Variants in OPN4 observed in about 807,000 individuals in gnomAD.
The protein encoded by OPN4 is melanopsin.
OPN4 carries 43 observed loss-of-function variants against 49.5 expected under a neutral mutation model. That is an observed-to-expected ratio of 0.87 (90% CI 0.68 to 1.12). OPN4 has a LOEUF of 1.12. Among genes scored for constraint, OPN4 ranks in the 50% most tolerant of loss-of-function variants. The pLI, the probability that OPN4 is intolerant of heterozygous loss-of-function variation, is 0.00. For missense variants in OPN4, 657 were observed against 643.9 expected (o/e 1.02, Z -0.22); for synonymous variants, 263 against 258.0 (o/e 1.02, Z -0.19).
At position 86,658,707 on chromosome 10, in the gene OPN4, T is replaced by C. The variant is rs1218377997; in HGVS notation, c.628+20T>C. On this transcript the variant is annotated intron_variant, in intron 4 of 9. Transcript: ENST00000241891. Reference sequence around the variant, plus strand: ...GCTGGAGTAAGTGGGCTGCTGGAACTGGAAGGGGGGCAGATGGGCTGGGAG... The same window carrying C: ...GCTGGAGTAAGTGGGCTGCTGGAACCGGAAGGGGGGCAGATGGGCTGGGAG... 6.2e-7 allele frequency: 1 copy of C among 1,608,084 alleles called. No homozygotes were observed. Among genetic ancestry groups the C allele is most frequent in the African/African-American group, 1.3e-5 (1 of 74,908 alleles).
chr10:86,660,865 G>A lies in OPN4; in HGVS notation c.966-416G>A, dbSNP rs138318498. Among the ~76,000 whole-genome samples the A allele has an allele frequency of 5.9e-5, 9 of 152,242 alleles. No homozygotes were observed. In the South Asian group the frequency reaches 8.3e-4, roughly 14 times the overall value. Reference sequence around the variant, plus strand: ...GCATAGGCCAGGCATGGTGGCTCACGCCTGTAATCCCAGCACTTTGGGAGG... The same window carrying A: ...GCATAGGCCAGGCATGGTGGCTCACACCTGTAATCCCAGCACTTTGGGAGG... On this transcript the variant is annotated intron_variant, in intron 6 of 9. Transcript: ENST00000241891.
chr10:86,659,365 C>G lies in OPN4; in HGVS notation c.697C>G (p.Arg233Gly). The G allele has an allele frequency of 6.2e-7, 1 of 1,614,028 alleles. No individual in the cohort carries two copies. Among genetic ancestry groups the G allele is most frequent in the South Asian group, 1.1e-5 (1 of 91,084 alleles). Residue 233 changes from arginine to glycine, a missense_variant, in exon 5 of 10, where the codon CGT becomes GGT. Physicochemically the swap from Arg to Gly is moderately radical, Grantham distance 125. Transcript: ENST00000241891. ...CTACATGAGCTTCACGCCGGCCGTGCGTGCCTACACCATGCTTCTCTGCTG... is the reference window on the plus strand; with the variant it reads ...CTACATGAGCTTCACGCCGGCCGTGGGTGCCTACACCATGCTTCTCTGCTG... The part of the protein sequence containing the change: ...WDYMSFTPAV[R>G]AYTMLLCCFV...
rs937488378 is a variant in OPN4 at position 86,665,938 on chromosome 10, A to AAC, written c.*187_*188insAC. On this transcript the variant is annotated 3_prime_UTR_variant, in exon 10 of 10. Coordinates refer to ENST00000241891, the MANE Select transcript of OPN4 (RefSeq NM_033282.4). ...CACACCTCAAAACTCCTGCCCCATA[A>AAC]CGTCCTCCGCATCCACTTTCCAGCT... 1.7e-4 allele frequency: 99 copies of AAC among 572,980 alleles called. No individual in the cohort carries two copies. Among genetic ancestry groups the AAC allele is most frequent in the Non-Finnish European group, 4.0e-5 (13 of 324,294 alleles). The allele number at this position is 572,980 out of a possible 1,614,324, so 35.5% of individuals were successfully genotyped here.
At chr10:86,665,639 T>C (rs369688283) in intron 9 of OPN4, 74 bp from the exon 10 acceptor site, 22 of 1,250,608 alleles carry the variant, frequency 1.8e-5, no homozygotes, top group Non-Finnish European at 2.5e-5. Flanking sequence ...TGACCCAGTG[T>C]GTGGAGGGTC....
rs145338140 is a variant in OPN4, at chr10:86,665,725, A to AT, written c.1412dup (p.Ser473GlnfsTer17). On this transcript the variant is annotated frameshift_variant, in exon 10 of 10. Transcript: ENST00000241891. LOFTEE classifies it high-confidence loss of function. ...TGTTTGTTTGCAGACCAAGGGGCTG[A>AT]TCCCCAGCCAGGACCCCAGGATGTA... 5.6e-4 allele frequency: 897 copies of AT among 1,613,522 alleles called. 3 individuals carry two copies. In the African/African-American group the frequency reaches 0.011, roughly 19 times the overall value.
intron 8 of OPN4, among the ~76,000 whole-genome samples, chr10:86,663,089 C>T (rs1844054328): frequency 6.6e-6 from 1 of 152,236 alleles, no homozygotes; most frequent in African/African-American, 2.4e-5. Flanking sequence ...CAGCCCTCCT[C>T]AGGGCCTGCA....
At position 86,654,723 on chromosome 10, in the gene OPN4, C is replaced by G; in HGVS notation, c.-61C>G. The G allele has an allele frequency of 6.4e-7, 1 of 1,569,346 alleles. No homozygotes were observed. Among genetic ancestry groups the G allele is most frequent in the Admixed American group, 1.8e-5 (1 of 56,986 alleles). ...TTGGGAGGCTGAGCACAGCTGAAGT[C>G]CTGAGCTCCCTGTGCCCTTGACTTC... is the stretch of plus-strand genomic sequence containing the variant. On this transcript the variant is annotated 5_prime_UTR_variant, in exon 1 of 10. Coordinates refer to ENST00000241891, the MANE Select transcript of OPN4 (RefSeq NM_033282.4).
At chr10:86,656,628 A>G (rs1843871478) in intron 2 of OPN4, among the ~76,000 whole-genome samples, 1 of 152,068 alleles carries the variant, frequency 6.6e-6, no homozygotes, top group Non-Finnish European at 1.5e-5. Context: ...CCTGCCCCAG[A>G]GAGCATCCTC....
chr10:86,663,829 C>A, intron 9 of OPN4, 27 bp downstream of exon 9: 1 of 1,547,748 alleles, frequency 6.5e-7, no homozygotes. Context: ...CCTGCCAATC[C>A]ACAAAGGGGT....
intron 2 of OPN4, chr10:86,657,124 C>T: frequency 1.3e-6 from 1 of 771,184 alleles, no homozygotes; most frequent in Non-Finnish European, 2.4e-6. Flanking sequence ...CCCTGGCTCT[C>T]CCACCTGCCA....
chr10:86,664,836 C>T (rs1352896724), intron 9 of OPN4, among the ~76,000 whole-genome samples: 1 of 152,194 alleles, frequency 6.6e-6, no homozygotes, highest in Admixed American at 6.5e-5. Flanking sequence ...CCCAGGCTGG[C>T]CAGGCACTGA....
At chr10:86,655,922 C>T (rs974533195) in intron 1 of OPN4, among the ~76,000 whole-genome samples, 3 of 152,196 alleles carry the variant, frequency 2.0e-5, no homozygotes, top group Admixed American at 2.0e-4. Context: ...TGATCTGAGC[C>T]CACTCCTAGA....
rs534666956 is a variant in OPN4 at position 86,665,797 on chromosome 10, C to A, written c.*46C>A. On this transcript the variant is annotated 3_prime_UTR_variant, in exon 10 of 10. Coordinates refer to ENST00000241891, the MANE Select transcript of OPN4 (RefSeq NM_033282.4). ...TTCTTCTGAGACACATCCAGCCCCC[C>A]CACGTCTCCCTCATATACACAGACC... is the stretch of plus-strand genomic sequence containing the variant. The A allele has an allele frequency of 1.9e-5, 28 of 1,470,200 alleles. No individual in the cohort carries two copies. The Admixed American group carries it at 2.9e-4, about 15-fold the overall frequency. 91.1% of individuals were successfully genotyped at this position (1,470,200 alleles called of 1,614,324 possible). A position where few individuals can be genotyped will look rare whatever the true frequency, so the allele number is the denominator to read the frequency against.
chr10:86,664,747 C>T (rs1215985480), intron 9 of OPN4, among the ~76,000 whole-genome samples: 2 of 152,172 alleles, frequency 1.3e-5, no homozygotes, highest in Non-Finnish European at 2.9e-5. Flanking sequence ...CAGCATTCCC[C>T]CCGGGGGCCC....
At chr10:86,658,915 G>T (rs1307808988) in intron 4 of OPN4, among the ~76,000 whole-genome samples, 1 of 152,166 alleles carries the variant, frequency 6.6e-6, no homozygotes, top group Admixed American at 6.5e-5. Flanking sequence ...AAAATACAAA[G>T]GCTTTCTGGG....
intron 3 of OPN4, 109 bp from the exon 4 acceptor site, chr10:86,658,375 G>A: frequency 7.7e-7 from 1 of 1,300,946 alleles, no homozygotes; most frequent in Non-Finnish European, 1.1e-6. Flanking sequence ...AGGTGGAGGG[G>A]GTGGAGTGCG....
rs41297165 is a variant in OPN4 at position 86,657,207 on chromosome 10, T to G, written c.291-825T>G. ...TTCCGCAAAACAGAGCTGTGCTTCGTGGAGTCACTGTGATGATGCAGTAAG... is the reference window on the plus strand; with the variant it reads ...TTCCGCAAAACAGAGCTGTGCTTCGGGGAGTCACTGTGATGATGCAGTAAG... On this transcript the variant is annotated intron_variant, in intron 2 of 9. Transcript: ENST00000241891. The G allele has an allele frequency of 2.7e-3, 2,079 of 780,756 alleles. 8 individuals carry two copies. The highest frequency in any genetic ancestry group is 3.8e-3 in the Non-Finnish European group (1,582 of 417,946). 48.4% of individuals were successfully genotyped at this position (780,756 alleles called of 1,614,324 possible).
rs572774957 is a variant in OPN4 at position 86,659,180 on chromosome 10, GC to G, written c.629-115del. On this transcript the variant is annotated intron_variant, in intron 4 of 9. Coordinates refer to ENST00000241891, the MANE Select transcript of OPN4 (RefSeq NM_033282.4). ...CAGCTTCCTCACTGCATGGGACAGG[GC>G]CAGGTCAGGGCCAGGGCTGTGTATG... 17 of 761,514 alleles carry G rather than the reference GC, an allele frequency of 2.2e-5. No homozygotes were observed. In the South Asian group the frequency reaches 2.8e-4, roughly 12 times the overall value. 47.2% of individuals were successfully genotyped at this position (761,514 alleles called of 1,614,324 possible).
chr10:86,663,901 G>C (rs2675696), intron 9 of OPN4, 99 bp downstream of exon 9: 40,042 of 1,397,338 alleles, frequency 0.029, 1,042 homozygotes, highest in Admixed American at 0.14. Flanking sequence ...CTCATGGGCA[G>C]GGGCGATATC....
Sources: allele counts gnomAD v4.1 joint callset (sites outside exome capture counted in the v4.1 genomes callset), GRCh38; gene constraint gnomAD v4.1.1; transcripts MANE v1.5; gene names NCBI Gene and HGNC (gene_info 2026-07-23, HGNC 2026-07-21).